Variants in INTU observed in about 807,000 individuals in gnomAD.
INTU encodes the protein inturned planar cell polarity protein.
INTU carries 68 observed loss-of-function variants against 100.5 expected under a neutral mutation model. The ratio of observed to expected loss-of-function variants is 0.68; its 90% CI spans 0.56 to 0.83. The LOEUF (loss-of-function observed/expected upper bound fraction) is 0.83, where lower values mean the gene tolerates loss of function less well. Among genes scored for constraint, INTU ranks in the 40% least tolerant of loss-of-function variants. The pLI, the probability that INTU is intolerant of heterozygous loss-of-function variation, is 0.00. For missense variants in INTU, 1,071 were observed against 1,114.7 expected (o/e 0.96, Z 0.56); for synonymous variants, 357 against 395.7 (o/e 0.90, Z 1.16).
At chr4:127,686,401 T>G (rs1729827859) in intron 7 of INTU, 1 of 152,308 alleles carries the variant, frequency 6.6e-6, no homozygotes, top group African/African-American at 2.4e-5. Flanking sequence ...CCCTTCATTC[T>G]TGCCACTTGA....
At position 127,653,940 on chromosome 4, in the gene INTU, C is replaced by G. The variant is rs1003268457; in HGVS notation, c.683-2696C>G. ...GTGCATATATATTTAGGATAGTTAGCTCTTCTTGTTGAATTGATCCCTTTA... is the reference window on the plus strand; with the variant it reads ...GTGCATATATATTTAGGATAGTTAGGTCTTCTTGTTGAATTGATCCCTTTA... On this transcript the variant is annotated intron_variant, in intron 2 of 15. Transcript: ENST00000335251. Among the ~76,000 whole-genome samples, 10 of 151,732 alleles carry G rather than the reference C, an allele frequency of 6.6e-5. 1 individual carries two copies. Among genetic ancestry groups the G allele is most frequent in the African/African-American group, 2.4e-4 (10 of 41,068 alleles).
At chr4:127,685,288 G>A (rs1367782784) in intron 7 of INTU, among the ~76,000 whole-genome samples, 3 of 151,996 alleles carry the variant, frequency 2.0e-5, no homozygotes, top group Admixed American at 6.6e-5. Context: ...TTTTGTTCTT[G>A]TATTTCTGAG....
At chr4:127,704,143 T>C in intron 9 of INTU, 85 bp from the exon 10 acceptor site, 1 of 1,105,122 alleles carries the variant, frequency 9.0e-7, no homozygotes, top group Non-Finnish European at 1.3e-6. Flanking sequence ...AAGAATATAA[T>C]TTTCATTTTA....
chr4:127,683,897 A>G (rs1729698149), intron 6 of INTU: 1 of 152,220 alleles, frequency 6.6e-6, no homozygotes. Context: ...TTCAATGAGA[A>G]AATGTAAGTC....
chr4:127,655,513 G>C (rs1296638749), intron 2 of INTU, among the ~76,000 whole-genome samples: 1 of 151,534 alleles, frequency 6.6e-6, no homozygotes, highest in African/African-American at 2.4e-5. Context: ...CTGCTGGGGG[G>C]TGCCTCCCAG....
At chr4:127,715,334 G>A (rs1189803171) in intron 15 of INTU, among the ~76,000 whole-genome samples, 2 of 152,156 alleles carry the variant, frequency 1.3e-5, no homozygotes, top group Non-Finnish European at 2.9e-5. Flanking sequence ...AGTAGGGGTA[G>A]TGGACACATA....
intron 9 of INTU, among the ~76,000 whole-genome samples, chr4:127,702,689 G>T (rs1730700355): frequency 6.6e-6 from 1 of 152,038 alleles, no homozygotes; most frequent in Non-Finnish European, 1.5e-5. Flanking sequence ...TTAGATTAAA[G>T]ATTTAATCTT....
intron 2 of INTU, among the ~76,000 whole-genome samples, chr4:127,650,477 G>C (rs1477265539): frequency 2.7e-5 from 4 of 150,146 alleles, no homozygotes; most frequent in Non-Finnish European, 4.4e-5. Context: ...TGCAGTGTTT[G>C]GTTTTTTGTT....
intron 2 of INTU, among the ~76,000 whole-genome samples, chr4:127,655,668 G>A (rs952534453): frequency 1.3e-5 from 2 of 151,136 alleles, no homozygotes; most frequent in Non-Finnish European, 3.0e-5. Context: ...GGTTACTGCT[G>A]TCTTTTTGTT....
chr4:127,705,908 T>C lies in INTU; in HGVS notation c.1788+96T>C, dbSNP rs1338213759. The C allele has an allele frequency of 4.9e-6, 4 of 822,416 alleles. No individual in the cohort carries two copies. The East Asian group carries it at 9.9e-5, about 20-fold the overall frequency. The allele number at this position is 822,416 out of a possible 1,614,324, so 50.9% of individuals were successfully genotyped here. ...TGAGGGATGCAGCGGTAGGTAGGTA[T>C]CTATTGACTGTCTAAATAAATACAC... is the stretch of plus-strand genomic sequence containing the variant. On this transcript the variant is annotated intron_variant, in intron 11 of 15. Transcript: ENST00000335251.
chr4:127,688,433 A>G (rs1349338299), intron 8 of INTU, among the ~76,000 whole-genome samples: 3 of 152,190 alleles, frequency 2.0e-5, no homozygotes, highest in Non-Finnish European at 4.4e-5. Context: ...ATGATTGACA[A>G]GATTATTTCA....
At chr4:127,644,096 A>G (rs1727462558) in intron 2 of INTU, 40 bp downstream of exon 2, 1 of 1,561,334 alleles carries the variant, frequency 6.4e-7, no homozygotes, top group Non-Finnish European at 8.7e-7. Flanking sequence ...GTTTACAGAG[A>G]TCTTGATTAA....
At chr4:127,698,848 T>G (rs1051170865) in intron 8 of INTU, among the ~76,000 whole-genome samples, 2 of 152,168 alleles carry the variant, frequency 1.3e-5, no homozygotes, top group African/African-American at 4.8e-5. Flanking sequence ...ATACCACAAA[T>G]TGGTAATTTT....
chr4:127,713,552 T>C (rs759172858), intron 14 of INTU, among the ~76,000 whole-genome samples: 2 of 152,214 alleles, frequency 1.3e-5, no homozygotes, highest in Non-Finnish European at 2.9e-5. Flanking sequence ...AAGCACCTAC[T>C]ATGAACCAGG....
chr4:127,672,064 A>T (rs970024919), intron 5 of INTU, among the ~76,000 whole-genome samples: 2 of 152,132 alleles, frequency 1.3e-5, no homozygotes, highest in African/African-American at 4.8e-5. Flanking sequence ...TCCTTAGGTG[A>T]TGGTTACACT....
chr4:127,703,868 CA>C (rs1457925485), intron 9 of INTU, among the ~76,000 whole-genome samples: 1 of 151,980 alleles, frequency 6.6e-6, no homozygotes, highest in Non-Finnish European at 1.5e-5. Context: ...TAGGTTGCAT[CA>C]ATTAGTGCTT....
chr4:127,646,676 T>TTAGA (rs1727605388), intron 2 of INTU, among the ~76,000 whole-genome samples: 1 of 152,174 alleles, frequency 6.6e-6, no homozygotes, highest in African/African-American at 2.4e-5. Flanking sequence ...AAAGGCAGGA[T>TTAGA]AAATGTCTGA....
chr4:127,695,634 A>G (rs987017897), intron 8 of INTU, among the ~76,000 whole-genome samples: 1 of 152,200 alleles, frequency 6.6e-6, no homozygotes, highest in Non-Finnish European at 1.5e-5. Context: ...CTGTGTAAAC[A>G]ATCATGTCAT....
At chr4:127,711,136 G>A in intron 14 of INTU, 34 bp downstream of exon 14, 2 of 1,446,120 alleles carry the variant, frequency 1.4e-6, no homozygotes, top group Non-Finnish European at 1.9e-6. Flanking sequence ...TTTTCTGCCA[G>A]TTTAATTTCC....
Sources: allele counts gnomAD v4.1 joint callset (sites outside exome capture counted in the v4.1 genomes callset), GRCh38; gene constraint gnomAD v4.1.1; transcripts MANE v1.5; gene names NCBI Gene and HGNC (gene_info 2026-07-23, HGNC 2026-07-21).